Variants in LEKR1 observed in about 807,000 individuals in gnomAD.
LEKR1 encodes the protein leucine, glutamate and lysine rich 1, also known as protein LEKR1.
In LEKR1, 59 loss-of-function variants were observed where a neutral mutation model predicts 72.4. The observed-to-expected ratio is 0.82, with a 90% CI of 0.66 to 1.01. The LOEUF is 1.01. Among genes scored for constraint, LEKR1 ranks in the 50% least tolerant of loss-of-function variants. The probability of loss-of-function intolerance (pLI) is 0.00; values close to 1 mark genes in which losing one functional copy is unlikely to be tolerated. For missense variants in LEKR1, 728 were observed against 759.2 expected (o/e 0.96, Z 0.48); for synonymous variants, 257 against 263.2 (o/e 0.98, Z 0.23).
intron 2 of LEKR1, among the ~76,000 whole-genome samples, chr3:156,836,970 G>A (rs535511967): frequency 6.6e-6 from 1 of 152,312 alleles, no homozygotes; most frequent in South Asian, 2.1e-4. Context: ...TTTCAAGCTT[G>A]TAAAGGATTG....
chr3:156,960,044 G>GAC (rs1484641218), intron 6 of LEKR1, among the ~76,000 whole-genome samples: 6 of 152,056 alleles, frequency 3.9e-5, no homozygotes, highest in Non-Finnish European at 8.8e-5. Context: ...AGGTGACTCT[G>GAC]ACATGCCATT....
chr3:156,880,035 C>T (rs1039698848), intron 3 of LEKR1, among the ~76,000 whole-genome samples: 3 of 152,366 alleles, frequency 2.0e-5, no homozygotes, highest in East Asian at 3.9e-4. Flanking sequence ...AGCCCCAACA[C>T]AGAGTACCCA....
At chr3:156,856,016 AAG>A (rs1318672833) in intron 3 of LEKR1, among the ~76,000 whole-genome samples, 4 of 152,288 alleles carry the variant, frequency 2.6e-5, no homozygotes, top group Non-Finnish European at 5.9e-5. Context: ...GTATTCACTA[AAG>A]AGAAGTTAGA....
At chr3:156,876,545 G>A (rs1718604430) in intron 3 of LEKR1, among the ~76,000 whole-genome samples, 1 of 152,104 alleles carries the variant, frequency 6.6e-6, no homozygotes, top group Non-Finnish European at 1.5e-5. Context: ...CACCTCCTTG[G>A]TTAGGTATAT....
intron 5 of LEKR1, among the ~76,000 whole-genome samples, chr3:156,933,997 C>T (rs1012826096): frequency 6.6e-6 from 1 of 152,174 alleles, no homozygotes. Flanking sequence ...CTAAGGGTCT[C>T]CCAAACAAGT....
intron 7 of LEKR1, among the ~76,000 whole-genome samples, chr3:156,991,775 A>G (rs1452914927): frequency 6.6e-6 from 1 of 152,194 alleles, no homozygotes; most frequent in Non-Finnish European, 1.5e-5. Flanking sequence ...TACTTCTTCA[A>G]AAATCTTTGT....
At chr3:156,852,223 A>G (rs978896978) in intron 2 of LEKR1, 5 of 152,350 alleles carry the variant, frequency 3.3e-5, no homozygotes, top group African/African-American at 1.2e-4. Flanking sequence ...TTTGGGGAGA[A>G]GAGATTAGGT....
chr3:156,875,184 C>T (rs1576713007), intron 3 of LEKR1, among the ~76,000 whole-genome samples: 1 of 152,292 alleles, frequency 6.6e-6, no homozygotes, highest in South Asian at 2.1e-4. Flanking sequence ...TACATCCACA[C>T]CAACATCTAT....
Position 156,920,720 on chromosome 3 carries a change from A to G in LEKR1, c.383+26A>G, listed in dbSNP as rs777244626. ...GTAAGATTAAAGAACTGAAAATTAT[A>G]AAGATTGAAAAGATATGCTTAATAC... On this transcript the variant is annotated intron_variant, in intron 4 of 12. Coordinates refer to ENST00000356539, the MANE Select transcript of LEKR1 (RefSeq NM_001004316.3). The G allele has an allele frequency of 2.7e-5, 32 of 1,191,242 alleles. No individual in the cohort carries two copies. In the African/African-American group the frequency reaches 4.3e-4, roughly 16 times the overall value. 73.8% of individuals were successfully genotyped at this position (1,191,242 alleles called of 1,614,324 possible). A position where few individuals can be genotyped will look rare whatever the true frequency, so the allele number is the denominator to read the frequency against.
intron 5 of LEKR1, among the ~76,000 whole-genome samples, chr3:156,934,222 G>A (rs921484886): frequency 6.6e-6 from 1 of 152,112 alleles, no homozygotes; most frequent in Admixed American, 6.6e-5. Context: ...TAATCTTAGT[G>A]AAAACAGGAA....
chr3:156,993,732 C>A (rs1342460088), intron 9 of LEKR1, among the ~76,000 whole-genome samples: 1 of 152,158 alleles, frequency 6.6e-6, no homozygotes, highest in African/African-American at 2.4e-5. Context: ...ATGGCACAAG[C>A]AAAGATACCT....
chr3:157,008,981 G>A (rs1732681382), intron 9 of LEKR1, among the ~76,000 whole-genome samples: 1 of 152,000 alleles, frequency 6.6e-6, no homozygotes, highest in South Asian at 2.1e-4. Flanking sequence ...TCAGTTCGAA[G>A]TATTTTCAAA....
rs114727502 is a variant in LEKR1, at chr3:156,855,734, G to A, written c.263+2752G>A. Among the ~76,000 whole-genome samples the A allele has an allele frequency of 3.0e-3, 459 of 152,242 alleles. 5 individuals carry two copies. Among genetic ancestry groups the A allele is most frequent in the African/African-American group, 0.01 (434 of 41,546 alleles). On this transcript the variant is annotated intron_variant, in intron 3 of 12. Coordinates refer to ENST00000356539, the MANE Select transcript of LEKR1 (RefSeq NM_001004316.3). The stretch of plus-strand genomic sequence containing the variant: ...AAGAGAATTTATTGGAAGAGTATGA[G>A]GTGATAGCTCATTGAAAGAAAGGAA...
At chr3:156,916,187 A>G (rs185396425) in intron 3 of LEKR1, among the ~76,000 whole-genome samples, 45 of 151,468 alleles carry the variant, frequency 3.0e-4, no homozygotes, top group Admixed American at 2.1e-3. Flanking sequence ...TTGAAGTTGG[A>G]TAGTGTGATG....
intron 3 of LEKR1, among the ~76,000 whole-genome samples, chr3:156,917,139 G>A (rs892878772): frequency 6.6e-6 from 1 of 152,100 alleles, no homozygotes; most frequent in Non-Finnish European, 1.5e-5. Flanking sequence ...AGAAATTTTG[G>A]TAGTTAGAAT....
At chr3:156,961,108 CTTAAT>C (rs1307657372) in intron 6 of LEKR1, among the ~76,000 whole-genome samples, 1 of 152,152 alleles carries the variant, frequency 6.6e-6, no homozygotes, top group African/African-American at 2.4e-5. Context: ...AATATCCTTC[CTTAAT>C]TTATTTTACC....
Position 156,829,904 on chromosome 3 carries a change from T to C in LEKR1, c.48+527T>C, listed in dbSNP as rs1460088346. 7.9e-5 allele frequency among the ~76,000 whole-genome samples: 12 copies of C among 152,262 alleles called. No homozygotes were observed. The South Asian group carries it at 1.2e-3, about 16-fold the overall frequency. ...AGGCGAACCAAGTAGCCTAGAAATA[T>C]TGAAAAAATTAAGAAAAAGGCATGT... On this transcript the variant is annotated intron_variant, in intron 2 of 12. Coordinates refer to ENST00000356539, the MANE Select transcript of LEKR1 (RefSeq NM_001004316.3).
chr3:156,850,600 C>T lies in LEKR1; in HGVS notation c.49-2168C>T, dbSNP rs1277753046. 3.3e-5 allele frequency among the ~76,000 whole-genome samples: 5 copies of T among 152,292 alleles called. No individual in the cohort carries two copies. In the East Asian group the frequency reaches 9.6e-4, roughly 29 times the overall value. On this transcript the variant is annotated intron_variant, in intron 2 of 12. Coordinates refer to ENST00000356539, the MANE Select transcript of LEKR1 (RefSeq NM_001004316.3). ...CTCAGAATTTTAGTTATGTTAGTTA[C>T]TTTGTATCTTGTGCATGACATTTTC...
intron 2 of LEKR1, among the ~76,000 whole-genome samples, chr3:156,850,400 A>C (rs1180958951): frequency 6.6e-6 from 1 of 152,154 alleles, no homozygotes; most frequent in Non-Finnish European, 1.5e-5. Context: ...TAGTAGAGGA[A>C]GATTGGGCAT....
Sources: gnomAD v4.1 joint callset for allele counts (sites outside exome capture counted in the v4.1 genomes callset) on GRCh38, gnomAD v4.1.1 for gene constraint, MANE v1.5 for transcripts, NCBI Gene and HGNC (gene_info 2026-07-23, HGNC 2026-07-21) for gene names.